Variants in TCF3 observed in about 807,000 individuals in gnomAD.
TCF3 encodes the protein transcription factor 3, also known as transcription factor E2-alpha.
In TCF3, 54 loss-of-function variants were observed where a neutral mutation model predicts 72.3. The ratio of observed to expected loss-of-function variants is 0.75; its 90% CI spans 0.60 to 0.94. The LOEUF (loss-of-function observed/expected upper bound fraction) is 0.94. Among genes scored for constraint, TCF3 ranks in the 40% least tolerant of loss-of-function variants. The pLI, the probability that TCF3 is intolerant of heterozygous loss-of-function variation, is 0.00. For missense variants in TCF3, 1,078 were observed against 934.4 expected, an observed-to-expected ratio of 1.15 and a Z score of -2.00; for synonymous variants, 525 against 412.6, an observed-to-expected ratio of 1.27 and a Z score of -3.30.
At chr19:1,651,565 C>G (rs1053009558) in intron 1 of TCF3, among the ~76,000 whole-genome samples, 2 of 152,220 alleles carry the variant, frequency 1.3e-5, no homozygotes, top group African/African-American at 4.8e-5. Context: ...AGCTGGAAGA[C>G]TTCTGGGGCG....
intron 5 of TCF3, among the ~76,000 whole-genome samples, chr19:1,629,196 GT>G (rs1250637013): frequency 6.6e-6 from 1 of 152,046 alleles, no homozygotes; most frequent in East Asian, 1.9e-4. Context: ...AGTTTCCTCT[GT>G]TTCAGGCGTT....
intron 3 of TCF3, among the ~76,000 whole-genome samples, chr19:1,645,930 G>A (rs1232079604): frequency 6.6e-6 from 1 of 152,126 alleles, no homozygotes; most frequent in East Asian, 1.9e-4. Flanking sequence ...GAAAGTCGTC[G>A]AGGCTCACAA....
At chr19:1,632,439 C>G (rs1259770071) in intron 3 of TCF3, 34 bp from the exon 4 acceptor site, 5 of 1,556,320 alleles carry the variant, frequency 3.2e-6, no homozygotes, top group African/African-American at 1.4e-5. Flanking sequence ...ATGGGTCACC[C>G]TCACGCCTGC....
chr19:1,621,073 C>T lies in TCF3; in HGVS notation c.1015-27G>A, dbSNP rs771557726. On this transcript the variant is annotated intron_variant, in intron 12 of 18. Transcript: ENST00000262965. The stretch of plus-strand genomic sequence containing the variant: ...TGCGAGGAGGACCAGGAGAGATGGG[C>T]GGTCAGGGGCCGGCCTCTCAGGTCA... 89 of 1,518,814 alleles carry T rather than the reference C, an allele frequency of 5.9e-5. 1 individual carries two copies. Among genetic ancestry groups the T allele is most frequent in the East Asian group, 1.9e-4 (8 of 41,240 alleles). 94.1% of individuals were successfully genotyped at this position (1,518,814 alleles called of 1,614,324 possible).
chr19:1,632,167 C>T, intron 4 of TCF3, 51 bp from the exon 5 acceptor site: 1 of 1,587,936 alleles, frequency 6.3e-7, no homozygotes, highest in South Asian at 1.1e-5. Context: ...ACAGGCCCCC[C>T]CTCCACCCCG....
chr19:1,612,420 C>T, intron 18 of TCF3: 1 of 1,613,340 alleles, frequency 6.2e-7, no homozygotes, highest in Non-Finnish European at 8.5e-7. Context: ...AGGGACAGCA[C>T]CTCGTCCGTA....
intron 3 of TCF3, among the ~76,000 whole-genome samples, chr19:1,639,342 C>T (rs1286548992): frequency 6.6e-6 from 1 of 152,158 alleles, no homozygotes; most frequent in Non-Finnish European, 1.5e-5. Context: ...CCACCACCAG[C>T]CAAGGAACGG....
At chr19:1,621,737 C>T (rs950351088) in intron 11 of TCF3, 101 bp downstream of exon 11, 55 of 1,406,412 alleles carry the variant, frequency 3.9e-5, no homozygotes, top group South Asian at 4.5e-5. Context: ...GGCCAGCAGA[C>T]GCGCCTGCGC....
rs1471357639 is a variant in TCF3 at position 1,650,377 on chromosome 19, A to C, written c.-39-90T>G. 3 of 1,006,136 alleles carry C rather than the reference A, an allele frequency of 3.0e-6. No individual in the cohort carries two copies. The African/African-American group carries it at 4.9e-5, about 16-fold the overall frequency. The allele number at this position is 1,006,136 out of a possible 1,614,324, so 62.3% of individuals were successfully genotyped here. ...GTCAAAGCACAGAGTGCTAAAAGCC[A>C]CCTAAAAAACCCTCAACCGCCCTGG... is the stretch of plus-strand genomic sequence containing the variant. On this transcript the variant is annotated intron_variant, in intron 1 of 18. Transcript: ENST00000262965.
At chr19:1,619,084 C>T (rs773301662) in intron 16 of TCF3, 27 bp downstream of exon 16, 53 of 1,598,702 alleles carry the variant, frequency 3.3e-5, no homozygotes, top group Middle Eastern at 1.7e-4. Flanking sequence ...AACCAGGAGT[C>T]GGACAGTCCC....
chr19:1,627,481 GC>G, intron 5 of TCF3, 55 bp from the exon 6 acceptor site: 13 of 1,523,344 alleles, frequency 8.5e-6, no homozygotes, highest in Non-Finnish European at 1.2e-5. Flanking sequence ...CATCCTGAGG[GC>G]CCCCGAGTGC....
Position 1,632,104 on chromosome 19 carries a change from C to T in TCF3, c.232G>A (p.Gly78Ser), listed in dbSNP as rs1331208832. Residue 78 changes from glycine (G) to serine (S), a missense_variant, in exon 5 of 19, where the codon GGC (glycine) becomes AGC (serine). Transcript: ENST00000262965. The stretch of plus-strand genomic sequence containing the variant: ...CTGTGCGACTCAGTGAAGTGGGTGC[C>T]CTCGCTGAAGGTCTAGGGGAGATGG... ...SFDPSRTFSE[G>S]THFTESHSSL... The T allele has an allele frequency of 1.9e-6, 3 of 1,613,092 alleles. No individual in the cohort carries two copies. The highest frequency in any genetic ancestry group is 3.3e-5 in the Admixed American group (2 of 59,914).
chr19:1,642,140 ACAC>A (rs2065342511), intron 3 of TCF3, among the ~76,000 whole-genome samples: 1 of 149,178 alleles, frequency 6.7e-6, no homozygotes, highest in African/African-American at 2.5e-5. Flanking sequence ...ACACACACAC[ACAC>A]ACACACACAC....
chr19:1,619,032 C>A (rs931512329), intron 16 of TCF3, 79 bp downstream of exon 16: 7 of 1,589,234 alleles, frequency 4.4e-6, no homozygotes, highest in East Asian at 2.2e-5. Flanking sequence ...TGGGCTCCCA[C>A]CCTGACCCCC....
At chr19:1,619,257 GCAT>G in intron 15 of TCF3, 23 bp from the exon 16 acceptor site, 1 of 1,579,856 alleles carries the variant, frequency 6.3e-7, no homozygotes, top group Non-Finnish European at 8.6e-7. Flanking sequence ...GGAGACGGGT[GCAT>G]CAGGGGGAGC....
intron 3 of TCF3, among the ~76,000 whole-genome samples, chr19:1,640,608 G>A (rs993990448): frequency 1.3e-5 from 2 of 151,374 alleles, no homozygotes; most frequent in Non-Finnish European, 2.9e-5. Context: ...CACAAGGTCA[G>A]GAGATGGAGA....
In TCF3 at chr19:1,638,821, G is replaced by A. The variant is rs560129999; in HGVS notation, c.146-6416C>T. Among the ~76,000 whole-genome samples, 38 of 152,350 alleles carry A rather than the reference G, an allele frequency of 2.5e-4. 1 individual carries two copies. The South Asian group carries it at 7.0e-3, about 28-fold the overall frequency. On this transcript the variant is annotated intron_variant, in intron 3 of 18. Coordinates refer to ENST00000262965, the MANE Select transcript of TCF3 (RefSeq NM_003200.5). ...AAACACACACCGGGGGAAGCAATCC[G>A]GAGTTGGGAGCACACAGATGGAAAA...
intron 3 of TCF3, among the ~76,000 whole-genome samples, chr19:1,635,600 C>T (rs188017577): frequency 2.4e-3 from 368 of 152,160 alleles, no homozygotes; most frequent in Non-Finnish European, 4.1e-3. Context: ...CCACCCTCAA[C>T]GTCTTCATTT....
Position 1,622,060 on chromosome 19 carries a change from C to T in TCF3, c.816G>A (p.Glu272=). Residue 272 remains glutamate (E), a synonymous_variant, in exon 10 of 19, where the codon GAG becomes GAA. Coordinates refer to ENST00000262965, the MANE Select transcript of TCF3 (RefSeq NM_003200.5). ...SSTFGGLHQH[E]RMGYQLHGAE... is the part of the protein sequence containing the mutation. ...CCCCTGCCCTGGGTCCTACCATACG[C>T]TCGTGCTGGTGCAGGCCACCAAACG... The T allele has an allele frequency of 6.2e-7, 1 of 1,604,706 alleles. No homozygotes were observed. The highest frequency in any genetic ancestry group is 8.5e-7 in the Non-Finnish European group (1 of 1,177,056).
Sources: allele counts gnomAD v4.1 joint callset (sites outside exome capture counted in the v4.1 genomes callset), GRCh38; gene constraint gnomAD v4.1.1; transcripts MANE v1.5; gene names NCBI Gene and HGNC (gene_info 2026-07-23, HGNC 2026-07-21).